Variants in MATR3 observed in about 807,000 individuals in gnomAD.
The protein encoded by MATR3 is matrin 3.
In MATR3, 4 loss-of-function variants were observed where a neutral mutation model predicts 85.5. The observed-to-expected ratio is 0.05, with a 90% CI of 0.02 to 0.11. MATR3 has a LOEUF of 0.11. Ranked by LOEUF, MATR3 falls within the 10% of genes least tolerant of loss-of-function variation. MATR3 has a pLI of 1.00. For synonymous variants in MATR3, 336 were observed against 343.1 expected (o/e 0.98, Z 0.23); for missense variants, 685 against 1,016.1 (o/e 0.67, Z 4.43).
At chr5:139,299,894 T>A (rs1217336606) in intron 1 of MATR3, 2 of 152,180 alleles carry the variant, frequency 1.3e-5, no homozygotes, top group African/African-American at 4.8e-5. Context: ...TTTCGTCTGA[T>A]CTTGGAAGCT....
intron 1 of MATR3, chr5:139,294,234 T>C (rs1396417695): frequency 7.2e-6 from 3 of 416,354 alleles, no homozygotes; most frequent in Non-Finnish European, 1.2e-5. Context: ...GGACAGACTG[T>C]ACACTGGGGG....
At chr5:139,293,164 G>A (rs1219483684), upstream of MATR3, 1 of 152,256 alleles carries the variant, frequency 6.6e-6, no homozygotes, top group Non-Finnish European at 1.5e-5. Context: ...GGAGGCTGAG[G>A]TGGGAGGATC....
intron 1 of MATR3, among the ~76,000 whole-genome samples, chr5:139,298,778 G>A (rs932876490): frequency 6.6e-6 from 1 of 152,144 alleles, no homozygotes; most frequent in African/African-American, 2.4e-5. Context: ...CATGGAGGAG[G>A]AAGTTTTGCA....
rs192317344 is a variant in MATR3 at position 139,317,471 on chromosome 5, T to C, written c.1183-125T>C. The C allele has an allele frequency of 4.0e-4, 373 of 931,676 alleles. 1 individual carries two copies. Among genetic ancestry groups the C allele is most frequent in the Non-Finnish European group, 5.6e-4 (331 of 589,408 alleles). The allele number at this position is 931,676 out of a possible 1,614,324, so 57.7% of individuals were successfully genotyped here. The stretch of plus-strand genomic sequence containing the variant: ...TATGTAGCTTTAAAATTCTCTAGAA[T>C]GTTATGAGTTGTTTTACTTACACTC... On this transcript the variant is annotated intron_variant, in intron 6 of 14. Transcript: ENST00000394805.
intron 9 of MATR3, among the ~76,000 whole-genome samples, chr5:139,321,059 TA>T (rs1260265990): frequency 7.3e-5 from 11 of 151,686 alleles, no homozygotes; most frequent in Admixed American, 7.2e-4. Flanking sequence ...CCAGCCAGCT[TA>T]TTACTTTTTT....
intron 12 of MATR3, 120 bp downstream of exon 12, chr5:139,323,087 A>T: frequency 1.0e-6 from 1 of 980,860 alleles, no homozygotes; most frequent in Non-Finnish European, 1.5e-6. Context: ...TAAATCAGAT[A>T]TGAACCAGAA....
In MATR3 at chr5:139,316,200, A is replaced by C; in HGVS notation, c.1129+12A>C. The C allele has an allele frequency of 6.5e-7, 1 of 1,539,100 alleles. No individual in the cohort carries two copies. Among genetic ancestry groups the C allele is most frequent in the South Asian group, 1.1e-5 (1 of 88,466 alleles). On this transcript the variant is annotated intron_variant, in intron 5 of 14. Coordinates refer to ENST00000394805, the MANE Select transcript of MATR3 (RefSeq NM_018834.6). Reference sequence around the variant, plus strand: ...AAGAGGAAATCTGGGTAATTATATAAAATTCATGTTACTTTTCCCTACAGA... The same window carrying C: ...AAGAGGAAATCTGGGTAATTATATACAATTCATGTTACTTTTCCCTACAGA...
intron 1 of MATR3, 126 bp downstream of exon 1, chr5:139,293,931 C>G (rs753029549): frequency 2.9e-5 from 35 of 1,212,462 alleles, no homozygotes; most frequent in Admixed American, 4.2e-5. Context: ...CTCGCTCCCG[C>G]TCTGCCTCCC....
intron 3 of MATR3, among the ~76,000 whole-genome samples, chr5:139,286,721 G>A (rs964050609): frequency 5.9e-5 from 9 of 151,792 alleles, no homozygotes; most frequent in Non-Finnish European, 2.9e-5. Context: ...GCACGGGCCT[G>A]TAATCCCAGT....
At chr5:139,315,431 A>T (rs1203828171) in intron 3 of MATR3, 3 of 390,898 alleles carry the variant, frequency 7.7e-6, no homozygotes, top group East Asian at 1.0e-4. Context: ...CTTCCTCCTT[A>T]CAATTTAACA....
Position 139,307,645 on chromosome 5 carries a change from G to A in MATR3, c.230G>A (p.Ser77Asn), listed in dbSNP as rs761748324. Residue 77 changes from serine (S) to asparagine (N), a missense_variant, in exon 2 of 15, where the codon AGT becomes AAT. Ser to Asn is a conservative substitution (Grantham distance 46). This residue lies in a region of MATR3 where 57 missense variants were observed against 68.6 expected (regional missense o/e 0.83). Transcript: ENST00000394805. The surrounding 1 kb of genome is among the most constrained non-coding windows in gnomAD (Gnocchi z 4.4). ...GCTCATAGTGCACTGTCTTCTGCTA[G>A]TACTTCTTCCCATAATTTGCAGTCT... ...QGAHSALSSA[S>N]TSSHNLQSIF... 1 of 1,614,148 alleles carries A rather than the reference G, an allele frequency of 6.2e-7. No individual in the cohort carries two copies. The highest frequency in any genetic ancestry group is 1.1e-5 in the South Asian group (1 of 91,084).
At chr5:139,280,844 A>G (rs139832958) in intron 3 of MATR3, among the ~76,000 whole-genome samples, 1 of 151,760 alleles carries the variant, frequency 6.6e-6, no homozygotes, top group Non-Finnish European at 1.5e-5. Context: ...ATTCATTGGT[A>G]TTCCTGTATT....
At position 139,294,015 on chromosome 5, in the gene MATR3, C is replaced by T. The variant is rs1048296861; in HGVS notation, c.-178+210C>T. ...GCGCAGTGGCGGCGCAACCAGCCTT[C>T]TAGGGCGGCGGAGGTGAGCGGTCCG... On this transcript the variant is annotated intron_variant, in intron 1 of 14. Coordinates refer to ENST00000394805, the MANE Select transcript of MATR3 (RefSeq NM_018834.6). 22 of 1,287,848 alleles carry T rather than the reference C, an allele frequency of 1.7e-5. No homozygotes were observed. The highest frequency in any genetic ancestry group is 2.2e-4 in the Middle Eastern group (1 of 4,640). 79.8% of individuals were successfully genotyped at this position (1,287,848 alleles called of 1,614,324 possible).
Position 139,331,291 on chromosome 5 carries a change from G to T in MATR3, c.*1896G>T. ...AGTTTACTTCTGCAATTTAATTTTA[G>T]CCTTTACTAATTACCCACTTCTGTT... is the stretch of plus-strand genomic sequence containing the variant. On this transcript the variant is annotated 3_prime_UTR_variant, in exon 15 of 15. Transcript: ENST00000394805. 2.2e-6 allele frequency: 1 copy of T among 454,092 alleles called. No homozygotes were observed. The highest frequency in any genetic ancestry group is 1.6e-5 in the South Asian group (1 of 64,470). 28.1% of individuals were successfully genotyped at this position (454,092 alleles called of 1,614,324 possible).
rs548971049 is a variant in MATR3 at position 139,276,610 on chromosome 5, G to A, written c.-257+460G>A. 4.6e-5 allele frequency among the ~76,000 whole-genome samples: 7 copies of A among 152,252 alleles called. No individual in the cohort carries two copies. The East Asian group carries it at 1.4e-3, about 29-fold the overall frequency. On this transcript the variant is annotated intron_variant, in intron 2 of 16. Coordinates refer to ENST00000509990, the Ensembl canonical transcript of MATR3. ...GAATAGTTCTGGTCCAACAGGTTTG[G>A]GTAGCATGAAGTTACTTGAATCATA... is the stretch of plus-strand genomic sequence containing the variant.
At chr5:139,302,920 G>T (rs995945224) in intron 1 of MATR3, among the ~76,000 whole-genome samples, 10 of 152,150 alleles carry the variant, frequency 6.6e-5, no homozygotes, top group African/African-American at 1.4e-4. Flanking sequence ...GCTGTTGCTT[G>T]TAAGTTTCAA....
At position 139,322,973 on chromosome 5, in the gene MATR3, GA is replaced by G; in HGVS notation, c.2148+9del. 1 of 1,544,360 alleles carries G rather than the reference GA, an allele frequency of 6.5e-7. No homozygotes were observed. Among genetic ancestry groups the G allele is most frequent in the Admixed American group, 1.7e-5 (1 of 57,866 alleles). ...CAAAGAAAAAGCTTAAAAAGGTAAA[GA>G]AAGATACATTGATTTGTTTTAATAG... On this transcript the variant is annotated splice_region_variant and intron_variant, in intron 12 of 14. Transcript: ENST00000394805.
intron 2 of MATR3, chr5:139,278,734 T>A (rs1753395862): frequency 2.0e-6 from 1 of 488,784 alleles, no homozygotes; most frequent in South Asian, 1.4e-5. Context: ...CTACCTGGAG[T>A]GCCTAGGTAT....
At chr5:139,317,004 T>A (rs1273804091) in intron 5 of MATR3, 49 bp from the exon 6 acceptor site, 7 of 1,535,694 alleles carry the variant, frequency 4.6e-6, no homozygotes, top group Non-Finnish European at 5.4e-6. Flanking sequence ...ATTGCTTCTT[T>A]AAGCAAGTAT....
Sources: gnomAD v4.1 joint callset for allele counts (sites outside exome capture counted in the v4.1 genomes callset) on GRCh38, gnomAD v4.1.1 for gene constraint, gnomAD v4.1.1 regional missense constraint, Gnocchi (gnomAD v3.1) non-coding constraint, MANE v1.5 for transcripts, NCBI Gene and HGNC (gene_info 2026-07-23, HGNC 2026-07-21) for gene names.